The following ADGRV1 variants were observed in gnomAD, a reference collection of about 807,000 sequenced individuals.
ADGRV1 encodes adhesion G protein-coupled receptor V1, also known as G-protein coupled receptor 98.
In ADGRV1, 359 loss-of-function variants were observed where a neutral mutation model predicts 596.2. The ratio of observed to expected loss-of-function variants is 0.60; its 90% CI spans 0.55 to 0.66. ADGRV1 has a LOEUF of 0.66. ADGRV1 is among the 30% of genes least tolerant of loss of function. The probability of loss-of-function intolerance (pLI) is 0.00; values close to 1 mark genes in which losing one functional copy is unlikely to be tolerated. For synonymous variants in ADGRV1, 2,681 were observed against 2,679.2 expected (o/e 1.00, Z -0.02); for missense variants, 7,274 against 7,575.6 (o/e 0.96, Z 1.48).
intron 9 of ADGRV1, among the ~76,000 whole-genome samples, chr5:90,632,127 G>T (rs1233140789): frequency 6.6e-6 from 1 of 152,092 alleles, no homozygotes; most frequent in African/African-American, 2.4e-5. Flanking sequence ...ATAAGTATAT[G>T]TTTAAGGGCT....
chr5:90,994,668 T>C (rs1038695011), intron 85 of ADGRV1, among the ~76,000 whole-genome samples: 5 of 152,246 alleles, frequency 3.3e-5, no homozygotes, highest in African/African-American at 9.6e-5. Context: ...TGTGGAAATT[T>C]TAGAAATCAT....
intron 84 of ADGRV1, among the ~76,000 whole-genome samples, chr5:90,980,746 G>A (rs1347357247): frequency 1.3e-5 from 2 of 152,114 alleles, no homozygotes; most frequent in African/African-American, 4.8e-5. Context: ...TTGGATAAAC[G>A]CATAGTCAAT....
At chr5:91,033,576 C>T (rs1043579457) in intron 85 of ADGRV1, among the ~76,000 whole-genome samples, 2 of 152,148 alleles carry the variant, frequency 1.3e-5, no homozygotes, top group African/African-American at 4.8e-5. Context: ...TCCTAGGTCT[C>T]TGCATGTAAT....
In ADGRV1 at chr5:90,674,098, T is replaced by C; in HGVS notation, c.4974T>C (p.Asn1658=). The change falls in exon 23 of 90, where the codon AAT becomes AAC. Residue 1658 remains asparagine, a synonymous_variant. Transcript: ENST00000405460. ...YVLDDDIPEL[N]EYFRVTLVSA... is the part of the protein sequence containing the mutation. ...TTGATGATGATATTCCTGAACTTAATGAGTATTTCCGTGTGACATTGGTTT... is the reference window on the plus strand; with the variant it reads ...TTGATGATGATATTCCTGAACTTAACGAGTATTTCCGTGTGACATTGGTTT... 2.5e-6 allele frequency: 4 copies of C among 1,613,100 alleles called. No individual in the cohort carries two copies. Among genetic ancestry groups the C allele is most frequent in the Non-Finnish European group, 3.4e-6 (4 of 1,179,160 alleles).
At chr5:91,136,006 C>T (rs191867835) in intron 87 of ADGRV1, among the ~76,000 whole-genome samples, 5 of 152,186 alleles carry the variant, frequency 3.3e-5, no homozygotes, top group African/African-American at 9.6e-5. Context: ...TGAGGAGAAG[C>T]ACAGCACATC....
At chr5:90,866,536 C>G (rs190611581) in intron 83 of ADGRV1, among the ~76,000 whole-genome samples, 1 of 151,930 alleles carries the variant, frequency 6.6e-6, no homozygotes, top group African/African-American at 2.4e-5. Flanking sequence ...GCCATGATGG[C>G]GTTCAGTAAA....
chr5:90,689,860 G>C lies in ADGRV1; in HGVS notation c.6491-1G>C. 6.2e-7 allele frequency: 1 copy of C among 1,608,530 alleles called. No homozygotes were observed. Among genetic ancestry groups the C allele is most frequent in the South Asian group, 1.1e-5 (1 of 90,292 alleles). ...TAACATTTTACTTTTGGTCTTTTCA[G>C]GTGAAGATTATAGTATAGCTTCATC... is the stretch of plus-strand genomic sequence containing the variant. On this transcript the variant is annotated splice_acceptor_variant, in intron 29 of 89. Coordinates refer to ENST00000405460, the MANE Select transcript of ADGRV1 (RefSeq NM_032119.4). LOFTEE classifies it high-confidence loss of function.
intron 75 of ADGRV1, among the ~76,000 whole-genome samples, chr5:90,820,674 A>C (rs1364499502): frequency 2.0e-5 from 3 of 149,466 alleles, no homozygotes; most frequent in Non-Finnish European, 4.5e-5. Context: ...TTCACTTATG[A>C]AGCTTAGTTT....
intron 85 of ADGRV1, among the ~76,000 whole-genome samples, chr5:91,065,194 A>G (rs1787781107): frequency 6.6e-6 from 1 of 152,224 alleles, no homozygotes. Flanking sequence ...CATCACTATG[A>G]ATTTCCATGT....
At position 90,628,583 on chromosome 5, in the gene ADGRV1, T is replaced by C; in HGVS notation, c.1260T>C (p.Val420=). The change falls in exon 8 of 90, where the codon GTT becomes GTC. Residue 420 remains valine, a synonymous_variant. Coordinates refer to ENST00000405460, the MANE Select transcript of ADGRV1 (RefSeq NM_032119.4). ...TAAGATATGAAGAAATCACAGTGGT[T>C]AGAAATGGAGGAACCCATGGGAATG... ...RISRYEEITV[V]RNGGTHGNVS... The C allele has an allele frequency of 1.2e-6, 2 of 1,613,768 alleles. No homozygotes were observed. The highest frequency in any genetic ancestry group is 1.7e-6 in the Non-Finnish European group (2 of 1,179,686).
intron 76 of ADGRV1, among the ~76,000 whole-genome samples, 187 bp downstream of exon 76, chr5:90,823,783 T>C (rs1192998080): frequency 6.6e-6 from 1 of 152,234 alleles, no homozygotes; most frequent in Non-Finnish European, 1.5e-5. Flanking sequence ...TTATGGTATT[T>C]TGTAAATAAA....
intron 83 of ADGRV1, among the ~76,000 whole-genome samples, chr5:90,917,226 A>G (rs976385468): frequency 1.3e-5 from 2 of 152,164 alleles, no homozygotes; most frequent in Non-Finnish European, 2.9e-5. Context: ...TTAAATCTTC[A>G]TTGTTTTCAG....
chr5:91,055,931 T>C (rs564952833), intron 85 of ADGRV1, among the ~76,000 whole-genome samples: 1 of 152,362 alleles, frequency 6.6e-6, no homozygotes, highest in African/African-American at 2.4e-5. Flanking sequence ...TAAGTTTGTT[T>C]ATTCCTGTAG....
intron 83 of ADGRV1, among the ~76,000 whole-genome samples, chr5:90,924,892 C>G (rs1006497541): frequency 2.0e-5 from 3 of 151,808 alleles, no homozygotes; most frequent in Non-Finnish European, 4.4e-5. Flanking sequence ...AATAGGGAAT[C>G]CTTTCCCCAT....
chr5:90,901,857 T>G (rs1561916218), intron 83 of ADGRV1, among the ~76,000 whole-genome samples: 1 of 152,120 alleles, frequency 6.6e-6, no homozygotes, highest in Non-Finnish European at 1.5e-5. Context: ...TTGTGTTTTA[T>G]TCTAAGTGTT....
intron 83 of ADGRV1, among the ~76,000 whole-genome samples, chr5:90,903,422 A>T (rs183714574): frequency 2.6e-5 from 4 of 152,026 alleles, no homozygotes; most frequent in African/African-American, 7.2e-5. Context: ...TGGGACAATT[A>T]TACTAGTCCC....
At chr5:90,815,530 A>T in intron 74 of ADGRV1, 89 bp from the exon 75 acceptor site, 1 of 687,640 alleles carries the variant, frequency 1.5e-6, no homozygotes, top group Non-Finnish European at 2.5e-6. Flanking sequence ...TCTCACTTTT[A>T]AACCATCTGA....
At chr5:90,956,222 A>G (rs1412930812) in intron 83 of ADGRV1, among the ~76,000 whole-genome samples, 1 of 152,264 alleles carries the variant, frequency 6.6e-6, no homozygotes, top group East Asian at 1.9e-4. Flanking sequence ...TTACTGTACA[A>G]TTTTGAAGTG....
chr5:90,791,058 G>A lies in ADGRV1; in HGVS notation c.14229G>A (p.Leu4743=). The A allele has an allele frequency of 6.2e-7, 1 of 1,613,942 alleles. No homozygotes were observed. The highest frequency in any genetic ancestry group is 8.5e-7 in the Non-Finnish European group (1 of 1,179,892). The change falls in exon 70 of 90, where the codon CTG becomes CTA. Residue 4743 remains leucine, a synonymous_variant. Transcript: ENST00000405460. The part of the protein sequence containing the change: ...QLVSVEGGAE[L]DLEKSITWFS... ...TTTCTGTAGAGGGAGGAGCCGAACT[G>A]GATCTGGAGAAGAGTATCACATGGT...
Sources: gnomAD v4.1 joint callset for allele counts (sites outside exome capture counted in the v4.1 genomes callset) on GRCh38, gnomAD v4.1.1 for gene constraint, MANE v1.5 for transcripts, NCBI Gene and HGNC (gene_info 2026-07-23, HGNC 2026-07-21) for gene names.